Variants in RAP1GAP observed in about 807,000 individuals in gnomAD.
The protein encoded by RAP1GAP is rap1 GTPase-activating protein 1.
A neutral mutation model predicts 87.2 loss-of-function variants in RAP1GAP; 35 were observed. The observed-to-expected ratio is 0.40, with a 90% CI of 0.31 to 0.53. The LOEUF (loss-of-function observed/expected upper bound fraction) is 0.53, where lower values mean the gene tolerates loss of function less well. Among genes scored for constraint, RAP1GAP ranks in the 20% least tolerant of loss-of-function variants. The pLI is 0.48. For missense variants in RAP1GAP, 734 were observed against 898.9 expected (o/e 0.82, Z 2.35); for synonymous variants, 375 against 363.9 (o/e 1.03, Z -0.35).
At chr1:21,658,499 C>T (rs887726039) in intron 1 of RAP1GAP, among the ~76,000 whole-genome samples, 1 of 151,934 alleles carries the variant, frequency 6.6e-6, no homozygotes, top group Non-Finnish European at 1.5e-5. Flanking sequence ...ACCCAGGAGG[C>T]GGAGGTTGCA....
intron 19 of RAP1GAP, 127 bp from the exon 20 acceptor site, chr1:21,601,924 C>T (rs1039029925): frequency 1.5e-5 from 9 of 619,830 alleles, no homozygotes; most frequent in East Asian, 2.8e-5. Flanking sequence ...ATACTCAGGG[C>T]CAGCCCTGGA....
At position 21,641,356 on chromosome 1, in the gene RAP1GAP, TC is replaced by T. The variant is rs368813086; in HGVS notation, c.-113+8404del. Among the ~76,000 whole-genome samples the T allele has an allele frequency of 2.2e-4, 34 of 152,258 alleles. 1 individual carries two copies. In the East Asian group the frequency reaches 6.4e-3, roughly 29 times the overall value. ...GAAGGAGTCCTATTCCTGCCCCCAA[TC>T]CTTTACATTTTCTCTACCCTCTGCC... On this transcript the variant is annotated intron_variant, in intron 2 of 24. Transcript: ENST00000374765.
chr1:21,605,196 G>A (rs1234657606), intron 18 of RAP1GAP, among the ~76,000 whole-genome samples: 2 of 152,190 alleles, frequency 1.3e-5, no homozygotes, highest in African/African-American at 4.8e-5. Context: ...ACTCCTGAGT[G>A]TGAGCAGCAG....
At position 21,617,785 on chromosome 1, in the gene RAP1GAP, T is replaced by C. The variant is rs958251070; in HGVS notation, c.105+149A>G. 8 of 1,140,776 alleles carry C rather than the reference T, an allele frequency of 7.0e-6. No homozygotes were observed. In the African/African-American group the frequency reaches 9.3e-5, roughly 13 times the overall value. 70.7% of individuals were successfully genotyped at this position (1,140,776 alleles called of 1,614,324 possible). ...AGAAGGCCTAAGGGTTCAAATGGGCTCTGAGGCCTTGGGCCTGCAAATTAA... is the reference window on the plus strand; with the variant it reads ...AGAAGGCCTAAGGGTTCAAATGGGCCCTGAGGCCTTGGGCCTGCAAATTAA... On this transcript the variant is annotated intron_variant, in intron 6 of 24. Transcript: ENST00000374765.
chr1:21,641,733 A>G (rs986641659), intron 2 of RAP1GAP, among the ~76,000 whole-genome samples: 11 of 152,198 alleles, frequency 7.2e-5, no homozygotes, highest in Non-Finnish European at 1.5e-4. Context: ...AGAGAGGTTA[A>G]GTCTCTAGCC....
chr1:21,642,004 C>T (rs1571207360), intron 2 of RAP1GAP, among the ~76,000 whole-genome samples: 2 of 152,214 alleles, frequency 1.3e-5, no homozygotes, highest in Admixed American at 1.3e-4. Flanking sequence ...CTGCCTCTCA[C>T]TCACCGTGAG....
At position 21,608,341 on chromosome 1, in the gene RAP1GAP, G is replaced by A. The variant is rs776371507; in HGVS notation, c.1168C>T (p.Arg390Trp). 2.5e-6 allele frequency: 4 copies of A among 1,612,974 alleles called. No homozygotes were observed. The highest frequency in any genetic ancestry group is 2.7e-5 in the African/African-American group (2 of 75,032). The change falls in exon 17 of 25, where the codon CGG becomes TGG. Residue 390 changes from arginine to tryptophan, a missense_variant. Coordinates refer to ENST00000374765, the MANE Select transcript of RAP1GAP (RefSeq NM_002885.4). ...EKFAKLEERT[R>W]AALLETLYEE... ...TAGAGCGTCTCCAGGAGGGCGGCCC[G>A]CGTCCGCTCCTGTGGGCCAGGCCCG...
intron 3 of RAP1GAP, among the ~76,000 whole-genome samples, chr1:21,625,694 TCTG>T (rs1200741769): frequency 6.6e-6 from 1 of 152,256 alleles, no homozygotes; most frequent in Non-Finnish European, 1.5e-5. Context: ...AGAGGTTATT[TCTG>T]CTATTTGATG....
chr1:21,601,423 G>A (rs902810404), intron 20 of RAP1GAP, among the ~76,000 whole-genome samples: 3 of 152,218 alleles, frequency 2.0e-5, no homozygotes, highest in Admixed American at 6.5e-5. Flanking sequence ...CTATGAGGCC[G>A]CGTTCTGATG....
intron 19 of RAP1GAP, among the ~76,000 whole-genome samples, 186 bp from the exon 20 acceptor site, chr1:21,601,983 C>G (rs1436409374): frequency 6.6e-6 from 1 of 152,220 alleles, no homozygotes; most frequent in African/African-American, 2.4e-5. Context: ...GGGGTTGGCA[C>G]TGATGGGGCT....
intron 1 of RAP1GAP, among the ~76,000 whole-genome samples, chr1:21,653,544 CTT>C (rs2096718597): frequency 1.9e-5 from 1 of 52,030 alleles, no homozygotes; most frequent in African/African-American, 9.5e-5. Flanking sequence ...AAGGGAGGAA[CTT>C]CCTTCCTTCC....
At chr1:21,651,939 C>A (rs1226080867) in intron 1 of RAP1GAP, 2 of 871,090 alleles carry the variant, frequency 2.3e-6, no homozygotes, top group Admixed American at 6.2e-5. Flanking sequence ...CGGATACGTC[C>A]GCGCCCCAGC....
intron 17 of RAP1GAP, among the ~76,000 whole-genome samples, chr1:21,607,986 C>A (rs2075837956): frequency 6.6e-6 from 1 of 151,862 alleles, no homozygotes; most frequent in African/African-American, 2.4e-5. Flanking sequence ...AGCCCCAGTC[C>A]GGGACTTCGC....
intron 2 of RAP1GAP, among the ~76,000 whole-genome samples, chr1:21,644,826 C>T (rs900560872): frequency 2.7e-5 from 4 of 147,610 alleles, no homozygotes; most frequent in Non-Finnish European, 5.9e-5. Flanking sequence ...GCTTGAACCA[C>T]GGAGGTGGAG....
At chr1:21,651,490 T>A (rs763100575) in intron 1 of RAP1GAP, 1 of 634,302 alleles carries the variant, frequency 1.6e-6, no homozygotes, top group Non-Finnish European at 3.1e-6. Flanking sequence ...TAAGCGCCAC[T>A]ATCATGTGCT....
Position 21,605,927 on chromosome 1 carries a change from C to A in RAP1GAP, c.1428+139G>T. The A allele has an allele frequency of 4.4e-6, 5 of 1,147,588 alleles. No homozygotes were observed. The South Asian group carries it at 4.5e-5, about 10-fold the overall frequency. The allele number at this position is 1,147,588 out of a possible 1,614,324, so 71.1% of individuals were successfully genotyped here. A position where few individuals can be genotyped will look rare whatever the true frequency, so the allele number is the denominator to read the frequency against. ...ACCCCCCTCCCATGGAAAGTAGTGG[C>A]TAGACCAAATCCAGAGCCTAGGATG... On this transcript the variant is annotated intron_variant, in intron 18 of 24. Coordinates refer to ENST00000374765, the MANE Select transcript of RAP1GAP (RefSeq NM_002885.4).
At chr1:21,662,362 C>G (rs1040360788) in intron 1 of RAP1GAP, among the ~76,000 whole-genome samples, 28 of 152,148 alleles carry the variant, frequency 1.8e-4, no homozygotes, top group African/African-American at 6.8e-4. Context: ...GGGGGTTGGA[C>G]CAGCTGATCT....
chr1:21,616,179 AC>A (rs2082022688), intron 7 of RAP1GAP, among the ~76,000 whole-genome samples: 1 of 139,284 alleles, frequency 7.2e-6, no homozygotes, highest in African/African-American at 2.6e-5. Context: ...ACACACACAC[AC>A]ACACACACAC....
intron 1 of RAP1GAP, among the ~76,000 whole-genome samples, chr1:21,661,645 C>T (rs2097158799): frequency 6.6e-6 from 1 of 152,220 alleles, no homozygotes; most frequent in African/African-American, 2.4e-5. Context: ...AAAGTACTTA[C>T]CGCATAGGAT....
Sources: allele counts gnomAD v4.1 joint callset (sites outside exome capture counted in the v4.1 genomes callset), GRCh38; gene constraint gnomAD v4.1.1; transcripts MANE v1.5; gene names NCBI Gene and HGNC (gene_info 2026-07-23, HGNC 2026-07-21).